The following HS2ST1 variants were observed in gnomAD, a reference collection of about 807,000 sequenced individuals.
The protein encoded by HS2ST1 is 2-O-sulfotransferase.
Under a neutral mutation model 42.9 loss-of-function variants are expected in HS2ST1, and 18 were observed. That is an observed-to-expected ratio of 0.42 (90% CI 0.29 to 0.62). HS2ST1 has a LOEUF of 0.62. HS2ST1 is among the 20% of genes least tolerant of loss of function. The pLI is 0.21. For synonymous variants in HS2ST1, 146 were observed against 152.9 expected (o/e 0.95, Z 0.33); for missense variants, 334 against 433.8 (o/e 0.77, Z 2.04).
At chr1:86,933,732 G>A (rs143207698) in intron 1 of HS2ST1, among the ~76,000 whole-genome samples, 66 of 131,360 alleles carry the variant, frequency 5.0e-4, no homozygotes, top group African/African-American at 2.0e-3. Context: ...TTGATAAGCT[G>A]GATGTGACAT....
At chr1:87,014,332 G>GAACT (rs1649687867) in intron 1 of HS2ST1, among the ~76,000 whole-genome samples, 1 of 152,166 alleles carries the variant, frequency 6.6e-6, no homozygotes, top group Admixed American at 6.5e-5. Context: ...TAGTGCAGGG[G>GAACT]AACTCCCCTT....
In HS2ST1 at chr1:87,073,134, A is replaced by G; in HGVS notation, c.325A>G (p.Thr109Ala). The G allele has an allele frequency of 6.2e-7, 1 of 1,613,010 alleles. No homozygotes were observed. The highest frequency in any genetic ancestry group is 8.5e-7 in the Non-Finnish European group (1 of 1,178,954). The change falls in exon 2 of 7, where the codon ACT (threonine) becomes GCT (alanine). Residue 109 changes from threonine (T) to alanine (A), a missense_variant. Coordinates refer to ENST00000370550, the MANE Select transcript of HS2ST1 (RefSeq NM_012262.4). Reference protein sequence around the residue: ...KNKYHVLHINTTKNNPVMSLQ... With the variant: ...KNKYHVLHINATKNNPVMSLQ... ...TAAATACCATGTCCTTCATATCAAC[A>G]CTACCAAAAATAATCCAGTGATGTC...
At chr1:86,978,861 C>CTTTTTTTTT (rs55812524) in intron 1 of HS2ST1, among the ~76,000 whole-genome samples, 5 of 98,644 alleles carry the variant, frequency 5.1e-5, no homozygotes, top group Non-Finnish European at 9.4e-5. Flanking sequence ...ACTTGTGAAT[C>CTTTTTTTTT]TTTTTTTTTT....
intron 1 of HS2ST1, among the ~76,000 whole-genome samples, chr1:86,935,823 T>A (rs1466756630): frequency 6.6e-6 from 1 of 152,234 alleles, no homozygotes; most frequent in Non-Finnish European, 1.5e-5. Context: ...TCTGCATTTT[T>A]AAAGCCTTTT....
intron 5 of HS2ST1, among the ~76,000 whole-genome samples, chr1:87,100,537 A>G (rs1652173900): frequency 6.6e-6 from 1 of 152,170 alleles, no homozygotes; most frequent in African/African-American, 2.4e-5. Flanking sequence ...ATTGTCTTGG[A>G]TATTAGCAGT....
chr1:86,944,606 GGTCTC>G lies in HS2ST1; in HGVS notation c.124+29447_124+29451del, dbSNP rs1300805476. 2.0e-5 allele frequency among the ~76,000 whole-genome samples: 3 copies of G among 152,000 alleles called. No homozygotes were observed. The East Asian group carries it at 5.8e-4, about 29-fold the overall frequency. ...CTGACCTCAAGTGATCCACCACCTT[GGTCTC>G]CCATAGTGCTGGGATTACAGGCGTG... On this transcript the variant is annotated intron_variant, in intron 1 of 6. Transcript: ENST00000370550.
chr1:86,996,606 GACCTCAGTGA>G (rs968352951), intron 1 of HS2ST1, among the ~76,000 whole-genome samples: 3 of 152,112 alleles, frequency 2.0e-5, no homozygotes, highest in Admixed American at 6.6e-5. Flanking sequence ...TATTATCCTA[GACCTCAGTGA>G]ACCCCTACAA....
intron 5 of HS2ST1, among the ~76,000 whole-genome samples, chr1:87,102,629 A>G (rs1652240704): frequency 6.6e-6 from 1 of 152,188 alleles, no homozygotes; most frequent in Non-Finnish European, 1.5e-5. Flanking sequence ...CTGCCTTAGA[A>G]CAATAAAGAC....
chr1:86,966,157 T>C (rs578067054), intron 1 of HS2ST1, among the ~76,000 whole-genome samples: 209 of 152,356 alleles, frequency 1.4e-3, no homozygotes, highest in Middle Eastern at 3.4e-3. Flanking sequence ...CTTTAGCTCT[T>C]ATCAGAGAGC....
chr1:87,080,549 C>G (rs551973693), intron 2 of HS2ST1, among the ~76,000 whole-genome samples: 1 of 152,024 alleles, frequency 6.6e-6, no homozygotes, highest in African/African-American at 2.4e-5. Context: ...GCAATTGTCC[C>G]CCAGCAGGAA....
At chr1:86,970,096 G>T (rs1201813341) in intron 1 of HS2ST1, among the ~76,000 whole-genome samples, 1 of 149,380 alleles carries the variant, frequency 6.7e-6, no homozygotes, top group Admixed American at 6.7e-5. Context: ...TTGCACTCCA[G>T]CCTGGGCAAC....
intron 1 of HS2ST1, among the ~76,000 whole-genome samples, chr1:87,014,488 C>T (rs1236091343): frequency 6.6e-6 from 1 of 152,180 alleles, no homozygotes; most frequent in East Asian, 1.9e-4. Flanking sequence ...ATGTGATTGG[C>T]ACACAGCCAA....
chr1:87,063,928 GT>G (rs917146363), intron 1 of HS2ST1, among the ~76,000 whole-genome samples: 1 of 152,098 alleles, frequency 6.6e-6, no homozygotes, highest in African/African-American at 2.4e-5. Context: ...ATAATCTTCT[GT>G]TTCCTTGCTT....
intron 1 of HS2ST1, among the ~76,000 whole-genome samples, chr1:86,919,092 G>A (rs536245520): frequency 6.1e-4 from 93 of 151,738 alleles, no homozygotes; most frequent in Non-Finnish European, 8.8e-4. Context: ...TTGCAGGTAC[G>A]TGCCACCACG....
intron 2 of HS2ST1, among the ~76,000 whole-genome samples, chr1:87,073,842 A>T (rs1651476478): frequency 1.3e-5 from 2 of 152,188 alleles, no homozygotes; most frequent in South Asian, 4.1e-4. Flanking sequence ...TTCTCTCTAT[A>T]AATATGGAAG....
chr1:86,962,775 A>T (rs771167070), intron 1 of HS2ST1, among the ~76,000 whole-genome samples: 2 of 152,170 alleles, frequency 1.3e-5, no homozygotes, highest in Non-Finnish European at 2.9e-5. Context: ...TTTCAAAGTA[A>T]ATATAGGTTA....
At chr1:87,027,215 C>T (rs1288664653) in intron 1 of HS2ST1, among the ~76,000 whole-genome samples, 3 of 152,174 alleles carry the variant, frequency 2.0e-5, no homozygotes, top group East Asian at 1.9e-4. Context: ...CTTCCACACC[C>T]TATTTGGTAT....
chr1:87,019,044 G>T (rs1049577685), intron 1 of HS2ST1, among the ~76,000 whole-genome samples: 8 of 152,124 alleles, frequency 5.3e-5, no homozygotes, highest in Admixed American at 1.3e-4. Context: ...TGTTAGTTTT[G>T]ATGACTGTAT....
In HS2ST1 at chr1:87,091,800, T is replaced by C. The variant is rs200297595; in HGVS notation, c.450-731T>C. Among the ~76,000 whole-genome samples the C allele has an allele frequency of 1.1e-4, 17 of 152,186 alleles. No individual in the cohort carries two copies. The East Asian group carries it at 3.3e-3, about 29-fold the overall frequency. On this transcript the variant is annotated intron_variant, in intron 3 of 6. Coordinates refer to ENST00000370550, the MANE Select transcript of HS2ST1 (RefSeq NM_012262.4). ...GTATAATAAAACAGGGAGCCAGTTG[T>C]ACAGTTCTAGGGTTTGCAAGGGTTG...
Sources: gnomAD v4.1 joint callset for allele counts (sites outside exome capture counted in the v4.1 genomes callset) on GRCh38, gnomAD v4.1.1 for gene constraint, MANE v1.5 for transcripts, NCBI Gene and HGNC (gene_info 2026-07-23, HGNC 2026-07-21) for gene names.